MANBA: variants seen among roughly 807,000 people sequenced by gnomAD.
MANBA encodes mannosidase beta, also known as beta-mannosidase.
A neutral mutation model predicts 111.1 loss-of-function variants in MANBA; 83 were observed. The ratio of observed to expected loss-of-function variants is 0.75; its 90% CI spans 0.63 to 0.90. The LOEUF is 0.90. MANBA is among the 40% of genes least tolerant of loss of function. The pLI is 0.00. For synonymous variants in MANBA, 370 were observed against 378.7 expected (o/e 0.98, Z 0.27); for missense variants, 1,036 against 1,069.0 (o/e 0.97, Z 0.43).
chr4:102,675,761 G>C (rs1348447000), intron 7 of MANBA, among the ~76,000 whole-genome samples: 2 of 152,056 alleles, frequency 1.3e-5, no homozygotes, highest in African/African-American at 2.4e-5. Flanking sequence ...GGGATTAGAA[G>C]GCTTACCTTC....
chr4:102,711,687 C>T (rs1722074411), intron 5 of MANBA, among the ~76,000 whole-genome samples: 1 of 152,080 alleles, frequency 6.6e-6, no homozygotes, highest in Non-Finnish European at 1.5e-5. Context: ...TTCACAATAG[C>T]AAAGATATAG....
Position 102,743,949 on chromosome 4 carries a change from A to G in MANBA, c.177+16769T>C, listed in dbSNP as rs529175919. On this transcript the variant is annotated intron_variant, in intron 1 of 16. Coordinates refer to ENST00000647097, the MANE Select transcript of MANBA (RefSeq NM_005908.4). ...CCCAGAGGCTCCAAACACCATCTCTATCTGCCACTGATACCTCAAGCACAA... is the reference window on the plus strand; with the variant it reads ...CCCAGAGGCTCCAAACACCATCTCTGTCTGCCACTGATACCTCAAGCACAA... Among the ~76,000 whole-genome samples the G allele has an allele frequency of 5.9e-5, 9 of 152,264 alleles. No individual in the cohort carries two copies. In the South Asian group the frequency reaches 1.9e-3, roughly 32 times the overall value.
At chr4:102,732,195 G>A (rs1160096889) in intron 1 of MANBA, among the ~76,000 whole-genome samples, 1 of 152,156 alleles carries the variant, frequency 6.6e-6, no homozygotes, top group African/African-American at 2.4e-5. Flanking sequence ...ACAGACATGA[G>A]CCACCGCATC....
chr4:102,635,739 C>A (rs1444339775), intron 15 of MANBA, 126 bp downstream of exon 15: 31 of 975,958 alleles, frequency 3.2e-5, no homozygotes, highest in Non-Finnish European at 4.7e-5. Context: ...AGGGTTGTAG[C>A]CTGAATATAT....
At chr4:102,697,485 C>G (rs1732775529) in intron 5 of MANBA, among the ~76,000 whole-genome samples, 1 of 150,478 alleles carries the variant, frequency 6.6e-6, no homozygotes, top group Non-Finnish European at 1.5e-5. Context: ...TTAGGTATAT[C>G]TCCCAATGCT....
intron 5 of MANBA, among the ~76,000 whole-genome samples, chr4:102,693,475 G>A (rs1201856697): frequency 2.0e-5 from 3 of 152,158 alleles, no homozygotes; most frequent in African/African-American, 7.2e-5. Flanking sequence ...TACTATGTGA[G>A]GACATAGCAA....
At chr4:102,669,156 C>CCAGTTAGCCTGATGAGTGG in intron 9 of MANBA, 107 bp from the exon 10 acceptor site, 1 of 880,376 alleles carries the variant, frequency 1.1e-6, no homozygotes, top group Non-Finnish European at 1.9e-6. Context: ...AATGAAAAAT[C>CCAGTTAGCCTGATGAGTGG]CAGTTAGCCT....
At chr4:102,673,456 T>C (rs187952538) in intron 8 of MANBA, among the ~76,000 whole-genome samples, 49 of 149,990 alleles carry the variant, frequency 3.3e-4, no homozygotes, top group African/African-American at 1.2e-3. Context: ...TGCAGTGAGC[T>C]GAGATCACGC....
intron 9 of MANBA, 171 bp downstream of exon 9, chr4:102,671,110 G>A (rs892536963): frequency 8.9e-5 from 49 of 552,882 alleles, no homozygotes; most frequent in Non-Finnish European, 1.2e-4. Context: ...AATAATTATG[G>A]TAGTTGATCA....
intron 5 of MANBA, among the ~76,000 whole-genome samples, chr4:102,697,783 G>A (rs1266155912): frequency 1.3e-5 from 2 of 151,720 alleles, no homozygotes; most frequent in African/African-American, 2.4e-5. Flanking sequence ...TTGGTTCCAA[G>A]TCTTTGCTAT....
intron 5 of MANBA, among the ~76,000 whole-genome samples, chr4:102,704,908 A>G (rs946284916): frequency 3.3e-5 from 5 of 152,252 alleles, no homozygotes; most frequent in African/African-American, 4.8e-5. Flanking sequence ...CAGGAAACAT[A>G]TATTTCTCTA....
rs926702085 is a variant in MANBA, at chr4:102,699,645, T to C, written c.674-8874A>G. ...TGGTTTTTGTCTTTGGTTCTGTTTA[T>C]ATGATGTATTACATTGATTGATTTG... On this transcript the variant is annotated intron_variant, in intron 5 of 16. Transcript: ENST00000647097. 5.3e-5 allele frequency among the ~76,000 whole-genome samples: 8 copies of C among 151,064 alleles called. 1 individual carries two copies. The highest frequency in any genetic ancestry group is 1.2e-4 in the African/African-American group (5 of 40,536).
intron 1 of MANBA, chr4:102,751,650 G>T: frequency 1.8e-6 from 1 of 541,974 alleles, no homozygotes; most frequent in Non-Finnish European, 3.8e-6. Flanking sequence ...TGTGGAAATA[G>T]AATATGTGAA....
At chr4:102,690,245 C>T (rs1288522825) in intron 6 of MANBA, among the ~76,000 whole-genome samples, 7 of 151,994 alleles carry the variant, frequency 4.6e-5, no homozygotes, top group African/African-American at 1.7e-4. Context: ...AAATAATTGA[C>T]AAGTATCAAA....
chr4:102,659,480 T>C (rs993617261), intron 11 of MANBA, among the ~76,000 whole-genome samples: 2 of 152,214 alleles, frequency 1.3e-5, no homozygotes, highest in African/African-American at 4.8e-5. Context: ...TGCCAGACTC[T>C]GTGTTCTGGT....
In MANBA at chr4:102,760,862, C is replaced by T; in HGVS notation, c.33G>A (p.Leu11=). The T allele has an allele frequency of 6.4e-7, 1 of 1,571,262 alleles. No individual in the cohort carries two copies. The change falls in exon 1 of 17, where the codon CTG becomes CTA. Residue 11 remains leucine (L), a synonymous_variant. Transcript: ENST00000647097. MRLHLLLLLA[L]CGAGTTAAEL... is the part of the protein sequence containing the mutation. ...CCGCGGCGGTGGTGCCTGCACCGCA[C>T]AGCGCGAGCAGCAGGAGCAGGTGGA...
chr4:102,681,075 G>A (rs1204131735), intron 7 of MANBA, among the ~76,000 whole-genome samples: 2 of 152,200 alleles, frequency 1.3e-5, no homozygotes, highest in Non-Finnish European at 2.9e-5. Context: ...GCTGAAGCGG[G>A]AGGGTTGCTT....
chr4:102,639,621 C>T (rs1729776751), intron 14 of MANBA, 92 bp downstream of exon 14: 1 of 1,539,360 alleles, frequency 6.5e-7, no homozygotes, highest in Non-Finnish European at 8.9e-7. Flanking sequence ...TCTGCCTGGG[C>T]TAATCTGACC....
At chr4:102,661,349 AT>A (rs1730945169) in intron 11 of MANBA, among the ~76,000 whole-genome samples, 2 of 152,084 alleles carry the variant, frequency 1.3e-5, no homozygotes, top group Non-Finnish European at 2.9e-5. Context: ...AGGTCTGATA[AT>A]TTTTCCCATG....
Sources: allele counts gnomAD v4.1 joint callset (sites outside exome capture counted in the v4.1 genomes callset), GRCh38; gene constraint gnomAD v4.1.1; transcripts MANE v1.5; gene names NCBI Gene and HGNC (gene_info 2026-07-23, HGNC 2026-07-21).